The following KCNB2 variants were observed in gnomAD, a reference collection of about 807,000 sequenced individuals.
KCNB2 encodes the protein delayed rectifier potassium channel protein.
A neutral mutation model predicts 61.5 loss-of-function variants in KCNB2; 15 were observed. The observed-to-expected ratio is 0.24, with a 90% CI of 0.16 to 0.38. KCNB2 has a LOEUF of 0.38. KCNB2 is among the 10% of genes least tolerant of loss of function. The probability of loss-of-function intolerance (pLI) is 1.00; values close to 1 mark genes in which losing one functional copy is unlikely to be tolerated. For missense variants in KCNB2, 828 were observed against 1,125.2 expected (o/e 0.74, Z 3.78); for synonymous variants, 457 against 446.0 (o/e 1.02, Z -0.31).
intron 1 of KCNB2, among the ~76,000 whole-genome samples, chr8:72,549,059 C>T (rs1054889698): frequency 3.9e-5 from 6 of 152,198 alleles, no homozygotes; most frequent in South Asian, 2.1e-4. Flanking sequence ...CTGTTTCAAT[C>T]GTTTTTTAAT....
chr8:72,674,100 TGTG>T (rs1806610441), intron 2 of KCNB2, among the ~76,000 whole-genome samples: 1 of 152,142 alleles, frequency 6.6e-6, no homozygotes, highest in Non-Finnish European at 1.5e-5. Flanking sequence ...GCCAGCATGA[TGTG>T]GTGTGATAGT....
chr8:72,697,952 G>C (rs1337364189), intron 2 of KCNB2, among the ~76,000 whole-genome samples: 1 of 152,038 alleles, frequency 6.6e-6, no homozygotes, highest in Admixed American at 6.6e-5. Context: ...GATTGGAGCT[G>C]AGCCACAAGC....
chr8:72,719,135 C>A (rs1445797347), intron 2 of KCNB2, among the ~76,000 whole-genome samples: 1 of 151,668 alleles, frequency 6.6e-6, no homozygotes, highest in Admixed American at 6.6e-5. Flanking sequence ...GTAAGTTAGA[C>A]CTGGAATCAA....
intron 2 of KCNB2, among the ~76,000 whole-genome samples, chr8:72,712,396 T>A (rs1563567347): frequency 6.6e-6 from 1 of 152,210 alleles, no homozygotes; most frequent in Non-Finnish European, 1.5e-5. Flanking sequence ...ATGCTTTTTG[T>A]TTTGAAGAAA....
intron 2 of KCNB2, among the ~76,000 whole-genome samples, chr8:72,764,157 G>T (rs142051476): frequency 1.2e-3 from 188 of 152,262 alleles, no homozygotes; most frequent in African/African-American, 4.0e-3. Context: ...GGAAAGAGGC[G>T]CAGTGCCCTG....
chr8:72,819,564 A>G (rs1809458044), intron 2 of KCNB2, among the ~76,000 whole-genome samples: 1 of 152,160 alleles, frequency 6.6e-6, no homozygotes, highest in African/African-American at 2.4e-5. Flanking sequence ...ATCAATAGGA[A>G]TGTGATAATT....
At chr8:72,674,397 G>T (rs1024775433) in intron 2 of KCNB2, among the ~76,000 whole-genome samples, 11 of 152,158 alleles carry the variant, frequency 7.2e-5, no homozygotes, top group African/African-American at 2.7e-4. Context: ...AAAGATCAAG[G>T]ACATATCAAG....
intron 2 of KCNB2, chr8:72,619,255 T>C (rs1310243447): frequency 4.9e-6 from 3 of 616,344 alleles, no homozygotes; most frequent in Non-Finnish European, 9.5e-6. Context: ...GGCGATGTGC[T>C]GTCAACCAAA....
intron 2 of KCNB2, among the ~76,000 whole-genome samples, chr8:72,836,313 G>A (rs1398750408): frequency 6.6e-6 from 1 of 152,200 alleles, no homozygotes; most frequent in Non-Finnish European, 1.5e-5. Context: ...TATGGTAAAT[G>A]AAACAACAAT....
chr8:72,886,161 T>A (rs895697394), intron 2 of KCNB2, among the ~76,000 whole-genome samples: 2 of 152,206 alleles, frequency 1.3e-5, no homozygotes, highest in African/African-American at 2.4e-5. Context: ...ATATCCTGTG[T>A]ACCTACTACT....
chr8:72,683,272 C>T (rs1806793871), intron 2 of KCNB2, among the ~76,000 whole-genome samples: 1 of 152,168 alleles, frequency 6.6e-6, no homozygotes, highest in Non-Finnish European at 1.5e-5. Flanking sequence ...TTCTATTCCC[C>T]TTCAAAGGTT....
At chr8:72,828,520 C>T (rs549309019) in intron 2 of KCNB2, among the ~76,000 whole-genome samples, 4 of 152,230 alleles carry the variant, frequency 2.6e-5, no homozygotes, top group Admixed American at 6.5e-5. Context: ...ACAGATTTGC[C>T]GCTGCAGGGT....
chr8:72,838,265 G>A (rs1420395870), intron 2 of KCNB2, among the ~76,000 whole-genome samples: 1 of 151,896 alleles, frequency 6.6e-6, no homozygotes, highest in Admixed American at 6.6e-5. Flanking sequence ...CCTTCCCCCA[G>A]CCCCCCACCA....
intron 2 of KCNB2, among the ~76,000 whole-genome samples, chr8:72,710,723 AG>A (rs1807313081): frequency 1.3e-5 from 2 of 152,220 alleles, no homozygotes; most frequent in Non-Finnish European, 2.9e-5. Flanking sequence ...CTCCTTGGTT[AG>A]ATACAAAGAA....
chr8:72,895,092 T>C (rs1399246933), intron 2 of KCNB2, among the ~76,000 whole-genome samples: 1 of 152,150 alleles, frequency 6.6e-6, no homozygotes, highest in Non-Finnish European at 1.5e-5. Flanking sequence ...ATGATACTTA[T>C]TAGGCATCTA....
intron 2 of KCNB2, among the ~76,000 whole-genome samples, chr8:72,746,776 TA>T (rs1808078906): frequency 6.6e-6 from 1 of 152,206 alleles, no homozygotes; most frequent in African/African-American, 2.4e-5. Flanking sequence ...ACATGACGGC[TA>T]ATTTGAGGTG....
chr8:72,548,403 C>G (rs1029593801), intron 1 of KCNB2, among the ~76,000 whole-genome samples: 1 of 152,152 alleles, frequency 6.6e-6, no homozygotes, highest in African/African-American at 2.4e-5. Flanking sequence ...TTGTTAAAGG[C>G]CCCCTGTCCT....
At chr8:72,820,461 A>G (rs1012900717) in intron 2 of KCNB2, among the ~76,000 whole-genome samples, 1 of 152,150 alleles carries the variant, frequency 6.6e-6, no homozygotes, top group African/African-American at 2.4e-5. Context: ...TCATGTTCAG[A>G]GTGGGATTTT....
At chr8:72,761,855 G>A (rs1808386605) in intron 2 of KCNB2, among the ~76,000 whole-genome samples, 2 of 152,138 alleles carry the variant, frequency 1.3e-5, no homozygotes, top group Non-Finnish European at 2.9e-5. Context: ...AGTCTCAGGA[G>A]AGAGCTACTT....
Sources: gnomAD v4.1 joint callset for allele counts (sites outside exome capture counted in the v4.1 genomes callset) on GRCh38, gnomAD v4.1.1 for gene constraint, MANE v1.5 for transcripts, NCBI Gene and HGNC (gene_info 2026-07-23, HGNC 2026-07-21) for gene names.